CHRNB2: variants seen among roughly 807,000 people sequenced by gnomAD.
CHRNB2 encodes the protein neuronal acetylcholine receptor subunit beta-2.
CHRNB2 carries 33 observed loss-of-function variants against 42.7 expected under a neutral mutation model. That is an observed-to-expected ratio of 0.77 (90% CI 0.59 to 1.03). The LOEUF is 1.03. Among genes scored for constraint, CHRNB2 ranks in the 50% least tolerant of loss-of-function variants. The pLI is 0.00. For synonymous variants in CHRNB2, 325 were observed against 292.9 expected (o/e 1.11, Z -1.12); for missense variants, 603 against 700.9 (o/e 0.86, Z 1.58).
In CHRNB2 at chr1:154,568,025, C is replaced by T; in HGVS notation, c.-20C>T. 1 of 1,565,164 alleles carries T rather than the reference C, an allele frequency of 6.4e-7. No homozygotes were observed. Among genetic ancestry groups the T allele is most frequent in the African/African-American group, 1.4e-5 (1 of 73,422 alleles). On this transcript the variant is annotated 5_prime_UTR_variant, in exon 1 of 6. Transcript: ENST00000368476. ...CGCGCTCCAGCCGGTGTAGGCGAGGCAGCGAGCTATGCCCGCGGCATGGCC... is the reference window on the plus strand; with the variant it reads ...CGCGCTCCAGCCGGTGTAGGCGAGGTAGCGAGCTATGCCCGCGGCATGGCC...
chr1:154,578,614 A>G lies in CHRNB2; in HGVS notation c.*2682A>G, dbSNP rs1696329177. On this transcript the variant is annotated 3_prime_UTR_variant, in exon 6 of 6. Coordinates refer to ENST00000368476, the MANE Select transcript of CHRNB2 (RefSeq NM_000748.3). ...AGGTGAGGGCAGAGGTGAAGGATCC[A>G]CTGCCCAGGCAAGGTGCTACCATGT... 6.6e-6 allele frequency: 1 copy of G among 152,302 alleles called. No individual in the cohort carries two copies. The highest frequency in any genetic ancestry group is 6.5e-5 in the Admixed American group (1 of 15,292). The allele number at this position is 152,302 out of a possible 1,614,324, so 9.4% of individuals were successfully genotyped here.
At chr1:154,573,225 G>C (rs962220044) in intron 5 of CHRNB2, among the ~76,000 whole-genome samples, 3 of 152,192 alleles carry the variant, frequency 2.0e-5, no homozygotes, top group Non-Finnish European at 4.4e-5. Flanking sequence ...CTGGGATTCA[G>C]GGACTCAGCA....
In CHRNB2 at chr1:154,572,125, C is replaced by G. The variant is rs1274411619; in HGVS notation, c.1302C>G (p.Ile434Met). 3.9e-6 allele frequency: 6 copies of G among 1,537,698 alleles called. No homozygotes were observed. In the African/African-American group the frequency reaches 8.2e-5, roughly 21 times the overall value. The change falls in exon 5 of 6, where the codon ATC becomes ATG. Residue 434 changes from isoleucine to methionine, a missense_variant. By Grantham distance (10) the Ile-to-Met change is conservative. Coordinates refer to ENST00000368476, the MANE Select transcript of CHRNB2 (RefSeq NM_000748.3). ...AGGCGGTGGACGGCGTGCGCTTCAT[C>G]GCAGACCACATGCGGAGCGAGGACG... ...LREAVDGVRF[I>M]ADHMRSEDDD...
In CHRNB2 at chr1:154,575,954, T is replaced by C. The variant is rs1215861587; in HGVS notation, c.*22T>C. On this transcript the variant is annotated 3_prime_UTR_variant, in exon 6 of 6. Transcript: ENST00000368476. Reference sequence around the variant, plus strand: ...GTGAGGCCCTTCCTCATCTCCATGCTCTTTCACCCTGCCACCCTCTGCTGC... The same window carrying C: ...GTGAGGCCCTTCCTCATCTCCATGCCCTTTCACCCTGCCACCCTCTGCTGC... The C allele has an allele frequency of 3.7e-6, 6 of 1,613,796 alleles. No individual in the cohort carries two copies. The highest frequency in any genetic ancestry group is 5.1e-6 in the Non-Finnish European group (6 of 1,179,920).
chr1:154,568,000 C>G lies in CHRNB2; in HGVS notation c.-45C>G. 1 of 1,488,370 alleles carries G rather than the reference C, an allele frequency of 6.7e-7. No homozygotes were observed. The highest frequency in any genetic ancestry group is 8.9e-7 in the Non-Finnish European group (1 of 1,124,034). The allele number at this position is 1,488,370 out of a possible 1,614,324, so 92.2% of individuals were successfully genotyped here. A position where few individuals can be genotyped will look rare whatever the true frequency, so the allele number is the denominator to read the frequency against. On this transcript the variant is annotated 5_prime_UTR_variant, in exon 1 of 6. Transcript: ENST00000368476. ...CCACCCGCGGCCCTCCCCCCGGCGG[C>G]GCGCTCCAGCCGGTGTAGGCGAGGC...
chr1:154,568,130 G>T, intron 1 of CHRNB2, 22 bp downstream of exon 1: 1 of 1,590,276 alleles, frequency 6.3e-7, no homozygotes, highest in Non-Finnish European at 8.6e-7. Context: ...ACGGGCACTG[G>T]CCAGGTTCTC....
intron 5 of CHRNB2, among the ~76,000 whole-genome samples, chr1:154,574,084 C>T (rs1012416030): frequency 6.6e-6 from 1 of 152,304 alleles, no homozygotes; most frequent in African/African-American, 2.4e-5. Context: ...CAAGCTCTTT[C>T]GTGGCCTCAG....
chr1:154,575,724 A>T, intron 5 of CHRNB2, 38 bp from the exon 6 acceptor site: 2 of 1,612,734 alleles, frequency 1.2e-6, no homozygotes, highest in Non-Finnish European at 1.7e-6. Flanking sequence ...CCCATCCTGC[A>T]TCATGTGACC....
rs1483071854 is a variant in CHRNB2, at chr1:154,578,360, G to C, written c.*2428G>C. 1 of 152,266 alleles carries C rather than the reference G, an allele frequency of 6.6e-6. No homozygotes were observed. Among genetic ancestry groups the C allele is most frequent in the Non-Finnish European group, 1.5e-5 (1 of 68,064 alleles). 9.4% of individuals were successfully genotyped at this position (152,266 alleles called of 1,614,324 possible). On this transcript the variant is annotated 3_prime_UTR_variant, in exon 6 of 6. Transcript: ENST00000368476. ...GGGATGGCAGAGAGCAGCTTGTCCA[G>C]CTCCTCTCCATGACCCGGTTAACAC...
chr1:154,570,410 A>C (rs1220343327), intron 4 of CHRNB2, 43 bp downstream of exon 4: 4 of 1,158,080 alleles, frequency 3.5e-6, no homozygotes, highest in Non-Finnish European at 5.2e-6. Context: ...TGGAGGGCTC[A>C]GGGAGGGAAG....
At position 154,569,847 on chromosome 1, in the gene CHRNB2, G is replaced by A; in HGVS notation, c.255+11G>A. On this transcript the variant is annotated intron_variant, in intron 3 of 5. Coordinates refer to ENST00000368476, the MANE Select transcript of CHRNB2 (RefSeq NM_000748.3). Reference sequence around the variant, plus strand: ...GTCTGGCTGACCCAGGTAAGCGTAAGTGCTCTCTTCCACCCACACCCCTGG... The same window carrying A: ...GTCTGGCTGACCCAGGTAAGCGTAAATGCTCTCTTCCACCCACACCCCTGG... The A allele has an allele frequency of 6.2e-7, 1 of 1,614,024 alleles. No individual in the cohort carries two copies. Among genetic ancestry groups the A allele is most frequent in the Non-Finnish European group, 8.5e-7 (1 of 1,179,964 alleles).
rs1483069937 is a variant in CHRNB2, at chr1:154,569,567, C to T, written c.170C>T (p.Thr57Ile). The T allele has an allele frequency of 8.7e-6, 14 of 1,614,132 alleles. No individual in the cohort carries two copies. Among genetic ancestry groups the T allele is most frequent in the Middle Eastern group, 1.6e-4 (1 of 6,062 alleles). ...RPATNGSELV[T>I]VQLMVSLAQL... ...GCCACCAATGGCTCTGAGCTGGTGACAGTACAGCTTATGGTGTCACTGGCC... is the reference window on the plus strand; with the variant it reads ...GCCACCAATGGCTCTGAGCTGGTGATAGTACAGCTTATGGTGTCACTGGCC... The change falls in exon 2 of 6, where the codon ACA becomes ATA. Residue 57 changes from threonine to isoleucine, a missense_variant. Thr to Ile is a moderately conservative substitution (Grantham distance 89). Coordinates refer to ENST00000368476, the MANE Select transcript of CHRNB2 (RefSeq NM_000748.3).
rs1434754323 is a variant in CHRNB2 at position 154,576,098 on chromosome 1, C to T, written c.*166C>T. 2.5e-6 allele frequency: 2 copies of T among 804,540 alleles called. No individual in the cohort carries two copies. Among genetic ancestry groups the T allele is most frequent in the Non-Finnish European group, 4.1e-6 (2 of 487,836 alleles). The allele number at this position is 804,540 out of a possible 1,614,324, so 49.8% of individuals were successfully genotyped here. Reference sequence around the variant, plus strand: ...CCTCCCCCACGCCTCCATCCACACACAGCAGCTCCAACCTGGAGGCTGGAC... The same window carrying T: ...CCTCCCCCACGCCTCCATCCACACATAGCAGCTCCAACCTGGAGGCTGGAC... On this transcript the variant is annotated 3_prime_UTR_variant, in exon 6 of 6. Transcript: ENST00000368476.
In CHRNB2 at chr1:154,576,083, G is replaced by A. The variant is rs1445035276; in HGVS notation, c.*151G>A. ...TCATCTGGAGTCCCTCCTCCCCCAC[G>A]CCTCCATCCACACACAGCAGCTCCA... On this transcript the variant is annotated 3_prime_UTR_variant, in exon 6 of 6. Coordinates refer to ENST00000368476, the MANE Select transcript of CHRNB2 (RefSeq NM_000748.3). 48 of 951,124 alleles carry A rather than the reference G, an allele frequency of 5.0e-5. No individual in the cohort carries two copies. In the East Asian group the frequency reaches 5.6e-4, roughly 11 times the overall value. 58.9% of individuals were successfully genotyped at this position (951,124 alleles called of 1,614,324 possible).
At chr1:154,573,600 A>C (rs1447526191) in intron 5 of CHRNB2, among the ~76,000 whole-genome samples, 1 of 152,178 alleles carries the variant, frequency 6.6e-6, no homozygotes, top group Non-Finnish European at 1.5e-5. Flanking sequence ...TGGTTCTAGG[A>C]CATCATCAGC....
In CHRNB2 at chr1:154,570,336, A is replaced by T; in HGVS notation, c.334A>T (p.Ile112Phe). 6.2e-7 allele frequency: 1 copy of T among 1,611,660 alleles called. No homozygotes were observed. ...MKKVRLPSKH[I>F]WLPDVVLYNN... ...GAAAGTTCGGCTCCCTTCCAAACAC[A>T]TCTGGCTCCCAGATGTGGTCCTGTA... The change falls in exon 4 of 6, where the codon ATC becomes TTC. Residue 112 changes from isoleucine (I) to phenylalanine (F), a missense_variant. Coordinates refer to ENST00000368476, the MANE Select transcript of CHRNB2 (RefSeq NM_000748.3).
intron 5 of CHRNB2, among the ~76,000 whole-genome samples, chr1:154,573,812 G>A (rs562110549): frequency 6.6e-6 from 1 of 152,150 alleles, no homozygotes; most frequent in East Asian, 1.9e-4. Flanking sequence ...GCAGTGGTGC[G>A]ACCTCGGCTC....
exon 6 of CHRNB2, chr1:154,580,011 AAAGT>A (rs1696364797): frequency 6.6e-6 from 1 of 151,454 alleles, no homozygotes; most frequent in Non-Finnish European, 1.5e-5. Context: ...ATCCAAAGAA[AAAGT>A]GAGTGGTGAC....
At position 154,569,615 on chromosome 1, in the gene CHRNB2, G is replaced by T; in HGVS notation, c.210+8G>T. On this transcript the variant is annotated splice_region_variant and intron_variant, in intron 2 of 5. Coordinates refer to ENST00000368476, the MANE Select transcript of CHRNB2 (RefSeq NM_000748.3). ...GCCCAGCTCATCAGTGTGGTGAGTA[G>T]AGGTCCCAGGCTCTCTGCCCAGCTA... 6.2e-7 allele frequency: 1 copy of T among 1,614,096 alleles called. No homozygotes were observed. Among genetic ancestry groups the T allele is most frequent in the Non-Finnish European group, 8.5e-7 (1 of 1,180,008 alleles).
Sources: gnomAD v4.1 joint callset for allele counts (sites outside exome capture counted in the v4.1 genomes callset) on GRCh38, gnomAD v4.1.1 for gene constraint, MANE v1.5 for transcripts, NCBI Gene and HGNC (gene_info 2026-07-23, HGNC 2026-07-21) for gene names.